MPDZ: variants seen among roughly 807,000 people sequenced by gnomAD.
The protein encoded by MPDZ is multiple PDZ domain protein.
In MPDZ, 234 loss-of-function variants were observed where a neutral mutation model predicts 239.1. The ratio of observed to expected loss-of-function variants is 0.98; its 90% CI spans 0.88 to 1.09. The LOEUF (loss-of-function observed/expected upper bound fraction) is 1.09. MPDZ is among the 50% of genes least tolerant of loss of function. The probability of loss-of-function intolerance (pLI) is 0.00; values close to 1 mark genes in which losing one functional copy is unlikely to be tolerated. For missense variants in MPDZ, 3,175 were observed against 2,510.0 expected (o/e 1.26, Z -5.66); for synonymous variants, 1,048 against 881.3 (o/e 1.19, Z -3.35).
chr9:13,115,369 G>T, intron 39 of MPDZ, 35 bp from the exon 40 acceptor site: 1 of 1,511,100 alleles, frequency 6.6e-7, no homozygotes. Flanking sequence ...TTATGGAAAT[G>T]TTTAAATAAA....
intron 24 of MPDZ, among the ~76,000 whole-genome samples, chr9:13,156,924 T>C (rs907635733): frequency 6.6e-5 from 10 of 152,188 alleles, no homozygotes; most frequent in Non-Finnish European, 7.3e-5. Flanking sequence ...GGCAGCACTA[T>C]AGAGAGCTTG....
At chr9:13,109,812 A>ATATG in intron 45 of MPDZ, 140 bp downstream of exon 45, 1 of 671,112 alleles carries the variant, frequency 1.5e-6, no homozygotes, top group Non-Finnish European at 2.6e-6. Flanking sequence ...GAAGCACCTG[A>ATATG]TATGTATAAT....
chr9:13,150,542 C>A lies in MPDZ; in HGVS notation c.3599G>T (p.Gly1200Val). 1 of 1,576,814 alleles carries A rather than the reference C, an allele frequency of 6.3e-7. No homozygotes were observed. The highest frequency in any genetic ancestry group is 8.6e-7 in the Non-Finnish European group (1 of 1,159,936). The change falls in exon 25 of 47, where the codon GGA (glycine) becomes GTA (valine). Residue 1200 changes from glycine to valine, a missense_variant. Physicochemically the swap from Gly to Val is moderately radical, Grantham distance 109. Coordinates refer to ENST00000319217, the MANE Select transcript of MPDZ (RefSeq NM_001378778.1). ...GATTCTATCTCCAGGTTTCAAGGTT[C>A]CATTTTTGCCAGCTGGACTATCTTC... Reference protein sequence around the residue: ...VLEDSPAGKNGTLKPGDRIVE... With the variant: ...VLEDSPAGKNVTLKPGDRIVE...
At chr9:13,150,056 TTAATTA>T (rs1257800227) in intron 25 of MPDZ, among the ~76,000 whole-genome samples, 17 of 152,136 alleles carry the variant, frequency 1.1e-4, no homozygotes, top group African/African-American at 3.9e-4. Flanking sequence ...TCTCATTAAC[TTAATTA>T]TATCTACATT....
intron 13 of MPDZ, among the ~76,000 whole-genome samples, chr9:13,193,589 CTT>C (rs926636360): frequency 2.2e-4 from 33 of 152,248 alleles, no homozygotes; most frequent in Admixed American, 7.2e-4. Context: ...CAATTTCTCT[CTT>C]GTTTCCCAAG....
At position 13,215,753 on chromosome 9, in the gene MPDZ, GTTTTT is replaced by G. The variant is rs56281339; in HGVS notation, c.1290+1016_1290+1020del. Among the ~76,000 whole-genome samples the G allele has an allele frequency of 7.9e-5, 7 of 89,052 alleles. 1 individual carries two copies. Among genetic ancestry groups the G allele is most frequent in the Non-Finnish European group, 1.4e-4 (7 of 50,140 alleles). 58.4% of individuals were successfully genotyped at this position (89,052 alleles called of 152,430 possible). A position where few individuals can be genotyped will look rare whatever the true frequency, so the allele number is the denominator to read the frequency against. On this transcript the variant is annotated intron_variant, in intron 10 of 46. Coordinates refer to ENST00000319217, the MANE Select transcript of MPDZ (RefSeq NM_001378778.1). ...AGATAAACAGGTTTCTCTATTGCAG[GTTTTT>G]TTTTTTTTTTTTTTTTGTCTTTTTT... is the stretch of plus-strand genomic sequence containing the variant.
At chr9:13,162,938 G>A in intron 22 of MPDZ, 143 bp from the exon 23 acceptor site, 2 of 556,818 alleles carry the variant, frequency 3.6e-6, no homozygotes, top group Non-Finnish European at 6.3e-6. Flanking sequence ...AGTATATTCA[G>A]CAGAGAATCC....
chr9:13,197,674 T>C (rs1399320021), intron 12 of MPDZ, among the ~76,000 whole-genome samples: 4 of 152,100 alleles, frequency 2.6e-5, no homozygotes, highest in Non-Finnish European at 5.9e-5. Flanking sequence ...GTCACCCTAC[T>C]GTGCTGTTGA....
At position 13,192,268 on chromosome 9, in the gene MPDZ, T is replaced by C. The variant is rs756925519; in HGVS notation, c.1831A>G (p.Asn611Asp). The change falls in exon 15 of 47, where the codon AAT (asparagine) becomes GAT (aspartate). Residue 611 changes from asparagine to aspartate, a missense_variant. Physicochemically the swap from Asn to Asp is conservative, Grantham distance 23. Coordinates refer to ENST00000319217, the MANE Select transcript of MPDZ (RefSeq NM_001378778.1). The stretch of plus-strand genomic sequence containing the variant: ...AAGATATTCACCACATCTTGGTGAT[T>C]TTCCCCAAGTAAAGTTATGCCATTT... ...EVNGITLLGE[N>D]HQDVVNILKE... 2.5e-6 allele frequency: 4 copies of C among 1,601,790 alleles called. No individual in the cohort carries two copies. The highest frequency in any genetic ancestry group is 2.7e-5 in the African/African-American group (2 of 74,868).
chr9:13,140,429 A>G (rs1947498280), intron 27 of MPDZ, among the ~76,000 whole-genome samples: 2 of 145,586 alleles, frequency 1.4e-5, no homozygotes, highest in South Asian at 4.3e-4. Context: ...TGAGCTTTCC[A>G]TTATTTGTTT....
chr9:13,209,280 G>A (rs1206896715), intron 10 of MPDZ, among the ~76,000 whole-genome samples: 1 of 152,126 alleles, frequency 6.6e-6, no homozygotes, highest in Non-Finnish European at 1.5e-5. Flanking sequence ...AACCACACAT[G>A]TGTGCATACA....
chr9:13,187,413 C>T (rs1024995916), intron 17 of MPDZ, among the ~76,000 whole-genome samples: 6 of 152,076 alleles, frequency 3.9e-5, no homozygotes, highest in Non-Finnish European at 7.4e-5. Context: ...AAGACCAGAA[C>T]CAAATGCATA....
chr9:13,199,152 T>C (rs892392443), intron 12 of MPDZ, among the ~76,000 whole-genome samples: 48 of 152,046 alleles, frequency 3.2e-4, no homozygotes, highest in African/African-American at 1.2e-3. Flanking sequence ...TCATAGAATA[T>C]CTCTCCATAT....
intron 25 of MPDZ, among the ~76,000 whole-genome samples, chr9:13,150,110 A>G (rs1057284812): frequency 1.3e-5 from 2 of 152,106 alleles, no homozygotes; most frequent in African/African-American, 4.8e-5. Context: ...TGTCTAATGT[A>G]ATCTTAATTC....
At chr9:13,122,384 G>C (rs1944482681) in intron 36 of MPDZ, among the ~76,000 whole-genome samples, 1 of 151,984 alleles carries the variant, frequency 6.6e-6, no homozygotes, top group South Asian at 2.1e-4. Context: ...TAATGATAGA[G>C]AAGATTAAAG....
At chr9:13,225,577 C>T (rs1207872149) in intron 3 of MPDZ, among the ~76,000 whole-genome samples, 2 of 151,840 alleles carry the variant, frequency 1.3e-5, no homozygotes, top group Non-Finnish European at 2.9e-5. Context: ...CATTTTTTAC[C>T]TTTTAACCAC....
chr9:13,220,850 T>C (rs1959018362), intron 7 of MPDZ, among the ~76,000 whole-genome samples: 1 of 152,002 alleles, frequency 6.6e-6, no homozygotes, highest in Non-Finnish European at 1.5e-5. Flanking sequence ...TTTTCTCACA[T>C]ATATTGCAAC....
At chr9:13,242,464 A>G (rs1215197864) in intron 3 of MPDZ, among the ~76,000 whole-genome samples, 1 of 151,906 alleles carries the variant, frequency 6.6e-6, no homozygotes, top group African/African-American at 2.4e-5. Context: ...CCTGGCCTCA[A>G]GTGATCCGCC....
chr9:13,201,538 G>A (rs555228480), intron 12 of MPDZ, among the ~76,000 whole-genome samples: 1 of 151,854 alleles, frequency 6.6e-6, no homozygotes, highest in East Asian at 1.9e-4. Flanking sequence ...GTCTCCTTCA[G>A]GAGTCCCTAT....
Sources: allele counts gnomAD v4.1 joint callset (sites outside exome capture counted in the v4.1 genomes callset), GRCh38; gene constraint gnomAD v4.1.1; transcripts MANE v1.5; gene names NCBI Gene and HGNC (gene_info 2026-07-23, HGNC 2026-07-21).